Variants in BANP observed in about 807,000 individuals in gnomAD.
The protein encoded by BANP is protein BANP.
In BANP, 11 loss-of-function variants were observed where a neutral mutation model predicts 68.1. That is an observed-to-expected ratio of 0.16 (90% confidence interval 0.10 to 0.27). The LOEUF (loss-of-function observed/expected upper bound fraction) is 0.27, where lower values mean the gene tolerates loss of function less well. Ranked by LOEUF, BANP falls within the 10% of genes least tolerant of loss-of-function variation. BANP has a pLI of 1.00. For missense variants in BANP, 504 were observed against 722.7 expected (o/e 0.70, Z 3.47); for synonymous variants, 329 against 303.2 (o/e 1.09, Z -0.88).
chr16:88,051,505 GTGCGGCCATTCCCAGGCAC>G, intron 11 of BANP, among the ~76,000 whole-genome samples: 1 of 152,284 alleles, frequency 6.6e-6, no homozygotes, highest in South Asian at 2.1e-4. Context: ...CACATGGGAA[GTGCGGCCATTCCCAGGCAC>G]TGCTGCAGTG....
At chr16:88,021,233 C>T (rs1266182237) in intron 7 of BANP, among the ~76,000 whole-genome samples, 1 of 152,196 alleles carries the variant, frequency 6.6e-6, no homozygotes, top group Non-Finnish European at 1.5e-5. Context: ...TTGGGGCCCA[C>T]TGGCCCGGCC....
At chr16:88,019,579 C>G (rs12149847) in intron 7 of BANP, among the ~76,000 whole-genome samples, 4,381 of 11,674 alleles carry the variant, frequency 0.38, 1,498 homozygotes, top group Non-Finnish European at 0.6. Context: ...GGCGGGGCGT[C>G]CGGGATCTCG....
At chr16:88,044,343 C>T (rs1172025305) in intron 11 of BANP, among the ~76,000 whole-genome samples, 5 of 152,162 alleles carry the variant, frequency 3.3e-5, no homozygotes, top group Admixed American at 2.6e-4. Flanking sequence ...CAGGCCACAG[C>T]GAGAAGGCAG....
chr16:88,064,218 G>A lies in BANP; in HGVS notation c.1312-1049G>A, dbSNP rs772768441. ...AGGCGCAGGGGAGCAGGGGGGGAGA[G>A]TGGACAGCGAGGCGGTGGATGTTGA... On this transcript the variant is annotated intron_variant, in intron 11 of 13. Transcript: ENST00000682872. The surrounding 1 kb of genome is among the most constrained non-coding windows in gnomAD (Gnocchi z 4.5). 2.0e-5 allele frequency among the ~76,000 whole-genome samples: 3 copies of A among 152,018 alleles called. No individual in the cohort carries two copies. The highest frequency in any genetic ancestry group is 2.9e-5 in the Non-Finnish European group (2 of 67,994).
Position 87,959,428 on chromosome 16 carries a change from G to A in BANP, c.-69+7913G>A, listed in dbSNP as rs183135417. On this transcript the variant is annotated intron_variant, in intron 1 of 13. Transcript: ENST00000682872. ...TTTGCCCTGGGAAGGAATAAGACGA[G>A]GTTGTGTAGAGAGGCAGTGGCTGGA... 3.2e-3 allele frequency among the ~76,000 whole-genome samples: 482 copies of A among 152,360 alleles called. 2 individuals are homozygous for A. The highest frequency in any genetic ancestry group is 0.011 in the African/African-American group (456 of 41,580).
At position 87,991,790 on chromosome 16, in the gene BANP, T is replaced by C. The variant is rs144914073; in HGVS notation, c.362+7531T>C. ...AACTTGTTTTAGATTTTCTGTAGGA[T>C]TTTTTTAAAATATGCATAATTATGT... On this transcript the variant is annotated intron_variant, in intron 4 of 13. Coordinates refer to ENST00000682872, the MANE Select transcript of BANP (RefSeq NM_001386991.1). Among the ~76,000 whole-genome samples, 983 of 152,348 alleles carry C rather than the reference T, an allele frequency of 6.5e-3. 7 individuals are homozygous for C. Among genetic ancestry groups the C allele is most frequent in the Non-Finnish European group, 0.011 (762 of 68,028 alleles).
chr16:88,054,141 T>C (rs2084246761), intron 11 of BANP, among the ~76,000 whole-genome samples: 1 of 84,108 alleles, frequency 1.2e-5, no homozygotes, highest in Non-Finnish European at 2.7e-5. Context: ...TAACAAACAC[T>C]ACCACCACCA....
intron 2 of BANP, among the ~76,000 whole-genome samples, chr16:87,977,308 G>A (rs1312128837): frequency 1.3e-5 from 2 of 152,090 alleles, no homozygotes; most frequent in African/African-American, 4.8e-5. Flanking sequence ...AGTCCCAGCT[G>A]CTCAGGAGGC....
At chr16:88,045,292 C>T (rs114493901) in intron 11 of BANP, among the ~76,000 whole-genome samples, 210 of 152,326 alleles carry the variant, frequency 1.4e-3, no homozygotes, top group African/African-American at 4.1e-3. Flanking sequence ...GGGCATGGGA[C>T]GGAAGATGGC....
chr16:88,003,622 G>A lies in BANP; in HGVS notation c.363-673G>A. The A allele has an allele frequency of 2.3e-6, 1 of 442,756 alleles. No homozygotes were observed. Among genetic ancestry groups the A allele is most frequent in the Non-Finnish European group, 4.6e-6 (1 of 219,364 alleles). The allele number at this position is 442,756 out of a possible 1,614,324, so 27.4% of individuals were successfully genotyped here. On this transcript the variant is annotated intron_variant, in intron 4 of 13. Coordinates refer to ENST00000682872, the MANE Select transcript of BANP (RefSeq NM_001386991.1). This position sits in a 1 kb window ranked among gnomAD's most constrained non-coding sequence, Gnocchi z 6.1. Reference sequence around the variant, plus strand: ...CTGCCGCCTGTCTGAACACACTCGTGCTTCCTCCAGGGTGGCGCCAGGCTT... The same window carrying A: ...CTGCCGCCTGTCTGAACACACTCGTACTTCCTCCAGGGTGGCGCCAGGCTT...
At chr16:88,046,200 G>T (rs1358795423) in intron 11 of BANP, among the ~76,000 whole-genome samples, 1 of 152,220 alleles carries the variant, frequency 6.6e-6, no homozygotes, top group Non-Finnish European at 1.5e-5. Flanking sequence ...GCGGAGGTGG[G>T]CCTTTCACTT....
chr16:87,994,575 A>T (rs2066704381), intron 4 of BANP, among the ~76,000 whole-genome samples: 1 of 152,216 alleles, frequency 6.6e-6, no homozygotes. Context: ...AGATATTAGG[A>T]AGAACATTTT....
intron 11 of BANP, among the ~76,000 whole-genome samples, chr16:88,047,128 A>G (rs2082212575): frequency 6.6e-6 from 1 of 152,034 alleles, no homozygotes; most frequent in Non-Finnish European, 1.5e-5. Flanking sequence ...GGAGCCATGA[A>G]CTCGTGCGGT....
chr16:87,982,196 C>CACATAGAA, intron 3 of BANP, among the ~76,000 whole-genome samples: 1 of 152,306 alleles, frequency 6.6e-6, no homozygotes, highest in South Asian at 2.1e-4. Context: ...ACATCTGTTG[C>CACATAGAA]ACATAGAACA....
rs570826117 is a variant in BANP at position 88,016,447 on chromosome 16, CCT to C, written c.656-1978_656-1977del. 1.2e-3 allele frequency among the ~76,000 whole-genome samples: 177 copies of C among 152,296 alleles called. 1 individual carries two copies. Among genetic ancestry groups the C allele is most frequent in the Non-Finnish European group, 2.1e-3 (146 of 68,022 alleles). Reference sequence around the variant, plus strand: ...CACTCCTGCCTTGGCTCACACGTCCCCTCTGTTTCCCCTTCCCCTCCCCATGG... The same window carrying C: ...CACTCCTGCCTTGGCTCACACGTCCCCTGTTTCCCCTTCCCCTCCCCATGG... On this transcript the variant is annotated intron_variant, in intron 6 of 13. Coordinates refer to ENST00000682872, the MANE Select transcript of BANP (RefSeq NM_001386991.1).
At chr16:87,949,597 G>C (rs1234725874), upstream of BANP, 1 of 152,166 alleles carries the variant, frequency 6.6e-6, no homozygotes, top group African/African-American at 2.4e-5. Flanking sequence ...TGATCTTCAT[G>C]TTGAAAAAGG....
chr16:88,042,872 G>A (rs1598788123), intron 11 of BANP, among the ~76,000 whole-genome samples: 1 of 152,210 alleles, frequency 6.6e-6, no homozygotes, highest in South Asian at 2.1e-4. Flanking sequence ...AGCCGTGATT[G>A]TGCCACTGCA....
intron 6 of BANP, among the ~76,000 whole-genome samples, chr16:88,012,501 C>T (rs1187634080): frequency 6.6e-6 from 1 of 152,212 alleles, no homozygotes; most frequent in Non-Finnish European, 1.5e-5. Flanking sequence ...CTCTGAACAA[C>T]CGTGCAGCCC....
intron 1 of BANP, among the ~76,000 whole-genome samples, chr16:87,974,717 C>T (rs761746277): frequency 6.6e-6 from 1 of 152,042 alleles, no homozygotes; most frequent in Non-Finnish European, 1.5e-5. Context: ...TCAGTCAGGC[C>T]CCACTGGAGA....
Sources: gnomAD v4.1 joint callset for allele counts (sites outside exome capture counted in the v4.1 genomes callset) on GRCh38, gnomAD v4.1.1 for gene constraint, Gnocchi (gnomAD v3.1) non-coding constraint, MANE v1.5 for transcripts, NCBI Gene and HGNC (gene_info 2026-07-23, HGNC 2026-07-21) for gene names.